The following MCF2L variants were observed in gnomAD, a reference collection of about 807,000 sequenced individuals.
MCF2L encodes MCF.2 cell line derived transforming sequence like, also known as guanine nucleotide exchange factor DBS.
MCF2L carries 97 observed loss-of-function variants against 153.4 expected under a neutral mutation model. That is an observed-to-expected ratio of 0.63 (90% CI 0.54 to 0.75). The LOEUF (loss-of-function observed/expected upper bound fraction) is 0.75. Among genes scored for constraint, MCF2L ranks in the 30% least tolerant of loss-of-function variants. The pLI is 0.00. For synonymous variants in MCF2L, 659 were observed against 632.2 expected (o/e 1.04, Z -0.64); for missense variants, 1,347 against 1,495.2 (o/e 0.90, Z 1.64).
At chr13:113,012,878 CGGACGGTGGACAGGCGGTGT>C (rs1566735066) in intron 1 of MCF2L, among the ~76,000 whole-genome samples, 1 of 69,744 alleles carries the variant, frequency 1.4e-5, no homozygotes. Context: ...CACTGAGATG[CGGACGGTGGACAGGCGGTGT>C]GGACGGTGGA....
Position 113,064,635 on chromosome 13 carries a change from G to C in MCF2L, c.606+215G>C. 6.0e-6 allele frequency: 3 copies of C among 501,082 alleles called. No homozygotes were observed. Among genetic ancestry groups the C allele is most frequent in the South Asian group, 3.0e-5 (1 of 32,898 alleles). The allele number at this position is 501,082 out of a possible 1,614,324, so 31.0% of individuals were successfully genotyped here. On this transcript the variant is annotated intron_variant, in intron 6 of 29. Transcript: ENST00000535094. The surrounding 1 kb of genome is among the most constrained non-coding windows in gnomAD (Gnocchi z 6.0). ...GGGAGTGGCTTTCTCTGGGCTTGGAGACCAAAAAAAAAAAAAAAACCCTTG... is the reference window on the plus strand; with the variant it reads ...GGGAGTGGCTTTCTCTGGGCTTGGACACCAAAAAAAAAAAAAAAACCCTTG...
At chr13:112,984,529 C>A (rs938764530) in intron 1 of MCF2L, among the ~76,000 whole-genome samples, 2 of 151,986 alleles carry the variant, frequency 1.3e-5, no homozygotes, top group Non-Finnish European at 2.9e-5. Context: ...TGAGCCATTG[C>A]GCCCGGCCTA....
At chr13:113,023,242 T>C (rs540699302) in intron 2 of MCF2L, among the ~76,000 whole-genome samples, 1 of 152,272 alleles carries the variant, frequency 6.6e-6, no homozygotes, top group African/African-American at 2.4e-5. Context: ...AGAAAAGATA[T>C]GCTTGTGTGA....
intron 3 of MCF2L, among the ~76,000 whole-genome samples, chr13:113,032,733 C>A: frequency 6.6e-6 from 1 of 152,168 alleles, no homozygotes; most frequent in East Asian, 1.9e-4. Context: ...CCACACCCGG[C>A]TAATTTGGGT....
intron 1 of MCF2L, among the ~76,000 whole-genome samples, chr13:112,997,574 G>A (rs1263912615): frequency 6.6e-6 from 1 of 152,238 alleles, no homozygotes; most frequent in Non-Finnish European, 1.5e-5. Flanking sequence ...AGGTTTAGCT[G>A]TTTGCTTTGG....
At chr13:113,001,911 A>G in intron 1 of MCF2L, 3 of 1,593,554 alleles carry the variant, frequency 1.9e-6, no homozygotes, top group Non-Finnish European at 2.6e-6. Context: ...ACTGGGCAGC[A>G]TGACGGTGCG....
At chr13:113,024,506 A>T in intron 2 of MCF2L, 138 bp from the exon 3 acceptor site, 1 of 593,748 alleles carries the variant, frequency 1.7e-6, no homozygotes, top group Admixed American at 2.8e-5. Context: ...TTTCTTTCAA[A>T]TAAAAATTAT....
At position 113,088,610 on chromosome 13, in the gene MCF2L, C is replaced by T. The variant is rs779103260; in HGVS notation, c.2816C>T (p.Pro939Leu). The T allele has an allele frequency of 1.0e-5, 16 of 1,608,010 alleles. No individual in the cohort carries two copies. The highest frequency in any genetic ancestry group is 5.3e-5 in the African/African-American group (4 of 74,938). The change falls in exon 25 of 30, where the codon CCG (proline) becomes CTG (leucine). Residue 939 changes from proline (P) to leucine (L), a missense_variant. Transcript: ENST00000535094. Reference protein sequence around the residue: ...ALEQSQSLPLPAPTSTSPSRG... With the variant: ...ALEQSQSLPLLAPTSTSPSRG... ...GAGCAGTCACAGAGCCTGCCCCTGC[C>T]GGCCCCGACCAGCACCAGGTGAGAA...
intron 1 of MCF2L, among the ~76,000 whole-genome samples, chr13:112,901,405 C>T (rs941727652): frequency 1.3e-5 from 2 of 152,204 alleles, no homozygotes; most frequent in South Asian, 2.1e-4. Flanking sequence ...TCGCCGGCGT[C>T]GGCCTCCCAA....
intron 1 of MCF2L, chr13:112,985,095 C>A: frequency 4.1e-6 from 1 of 244,428 alleles, no homozygotes; most frequent in South Asian, 4.4e-5. Context: ...GGACCCAAGG[C>A]AAGAATAGCT....
intron 15 of MCF2L, among the ~76,000 whole-genome samples, chr13:113,080,296 T>TGA (rs2033996561): frequency 2.2e-4 from 33 of 151,568 alleles, no homozygotes; most frequent in Admixed American, 2.2e-3. Flanking sequence ...GGAGTGTCCA[T>TGA]ACGGAGGAGG....
upstream of MCF2L, chr13:112,968,859 G>A: frequency 1.9e-6 from 2 of 1,035,174 alleles, no homozygotes; most frequent in Non-Finnish European, 1.3e-6. Context: ...TGCGGCACCC[G>A]CGGGGCTCCC....
At chr13:113,032,717 G>A (rs926985455) in intron 3 of MCF2L, among the ~76,000 whole-genome samples, 1 of 152,164 alleles carries the variant, frequency 6.6e-6, no homozygotes, top group Admixed American at 6.5e-5. Flanking sequence ...CTGCAGGCAT[G>A]AGCCACCACA....
rs2085469819 is a variant in MCF2L at position 113,028,870 on chromosome 13, GTGTGTGGGGTA to G, written c.278+4120_278+4130del. 1.3e-5 allele frequency among the ~76,000 whole-genome samples: 2 copies of G among 151,202 alleles called. No individual in the cohort carries two copies. The highest frequency in any genetic ancestry group is 3.0e-5 in the Non-Finnish European group (2 of 67,772). On this transcript the variant is annotated intron_variant, in intron 3 of 29. Transcript: ENST00000535094. This position sits in a 1 kb window ranked among gnomAD's most constrained non-coding sequence, Gnocchi z 5.4. ...GTGGTGTGTGTGGCGTGTGCGGGGT[GTGTGTGGGGTA>G]TGTGTGGTGTGTGTGTAATGTGAGC...
At chr13:113,087,194 C>A in intron 21 of MCF2L, 41 bp from the exon 22 acceptor site, 1 of 1,531,632 alleles carries the variant, frequency 6.5e-7, no homozygotes, top group Non-Finnish European at 9.0e-7. Context: ...TGGCCCCAGG[C>A]CCATCCCGTC....
At position 112,918,988 on chromosome 13, in the gene MCF2L, G is replaced by A. The variant is rs1307790652; in HGVS notation, c.169+16617G>A. On this transcript the variant is annotated intron_variant, in intron 2 of 29. Transcript: ENST00000375608. ...CCTTCCACTGCACTTGCTGGCAGAG[G>A]CGCTGTTGAAAGGCTCTCAGACCTC... is the stretch of plus-strand genomic sequence containing the variant. Among the ~76,000 whole-genome samples the A allele has an allele frequency of 3.3e-5, 5 of 152,150 alleles. No individual in the cohort carries two copies. The East Asian group carries it at 9.6e-4, about 29-fold the overall frequency.
chr13:112,963,807 C>G (rs181356654), intron 2 of MCF2L, among the ~76,000 whole-genome samples: 13 of 152,306 alleles, frequency 8.5e-5, no homozygotes, highest in Non-Finnish European at 1.9e-4. Context: ...GAGACGGGCT[C>G]GCAGCTGGGT....
chr13:112,980,399 G>A (rs999661894), intron 1 of MCF2L, among the ~76,000 whole-genome samples: 23 of 152,246 alleles, frequency 1.5e-4, no homozygotes, highest in Admixed American at 2.6e-4. Flanking sequence ...GCTGTGGAAC[G>A]TGGGGCAGAA....
In MCF2L at chr13:113,064,752, C is replaced by G; in HGVS notation, c.607-184C>G. On this transcript the variant is annotated intron_variant, in intron 6 of 29. Transcript: ENST00000535094. The surrounding 1 kb of genome is among the most constrained non-coding windows in gnomAD (Gnocchi z 6.0). The stretch of plus-strand genomic sequence containing the variant: ...TGACGGGCACACGTGTAGAGTGTGC[C>G]TGGTATGTTTCTGAAGAGGTCAAGG... 1 of 638,338 alleles carries G rather than the reference C, an allele frequency of 1.6e-6. No individual in the cohort carries two copies. Among genetic ancestry groups the G allele is most frequent in the South Asian group, 2.0e-5 (1 of 50,270 alleles). The allele number at this position is 638,338 out of a possible 1,614,324, so 39.5% of individuals were successfully genotyped here.
Sources: allele counts gnomAD v4.1 joint callset (sites outside exome capture counted in the v4.1 genomes callset), GRCh38; gene constraint gnomAD v4.1.1; non-coding constraint Gnocchi (gnomAD v3.1); transcripts MANE v1.5; gene names NCBI Gene and HGNC (gene_info 2026-07-23, HGNC 2026-07-21).